The following SH2D4B variants were observed in gnomAD, a reference collection of about 807,000 sequenced individuals.
SH2D4B encodes the protein SH2 domain containing 4B, also known as SH2 domain-containing protein 4B.
A neutral mutation model predicts 61.5 loss-of-function variants in SH2D4B; 45 were observed. The ratio of observed to expected loss-of-function variants is 0.73; its 90% CI spans 0.58 to 0.94. The LOEUF (loss-of-function observed/expected upper bound fraction) is 0.94, where lower values mean the gene tolerates loss of function less well. SH2D4B is among the 40% of genes least tolerant of loss of function. The pLI, the probability that SH2D4B is intolerant of heterozygous loss-of-function variation, is 0.00. For synonymous variants in SH2D4B, 224 were observed against 220.4 expected (o/e 1.02, Z -0.14); for missense variants, 572 against 574.2 (o/e 1.00, Z 0.04).
chr10:80,605,437 C>T (rs1257539029), intron 5 of SH2D4B, among the ~76,000 whole-genome samples: 1 of 152,076 alleles, frequency 6.6e-6, no homozygotes, highest in Non-Finnish European at 1.5e-5. Flanking sequence ...CTCAGTTTGG[C>T]ACTTATTTTT....
intron 5 of SH2D4B, among the ~76,000 whole-genome samples, chr10:80,606,410 G>A (rs1235788967): frequency 6.6e-6 from 1 of 151,848 alleles, no homozygotes; most frequent in African/African-American, 2.4e-5. Flanking sequence ...GTGGTGGTCC[G>A]ATCCTGGCTC....
intron 4 of SH2D4B, among the ~76,000 whole-genome samples, chr10:80,597,021 A>G (rs1293843256): frequency 6.6e-6 from 1 of 152,252 alleles, no homozygotes; most frequent in Admixed American, 6.5e-5. Context: ...CAGTATAGCA[A>G]CTATTTACAT....
At chr10:80,571,663 C>T in intron 3 of SH2D4B, 85 bp downstream of exon 3, 7 of 1,528,916 alleles carry the variant, frequency 4.6e-6, no homozygotes, top group Admixed American at 1.9e-5. Flanking sequence ...TGGATCAATC[C>T]TTGGCCATTG....
intron 7 of SH2D4B, 36 bp downstream of exon 7, chr10:80,634,541 G>GA: frequency 6.5e-7 from 1 of 1,543,502 alleles, no homozygotes; most frequent in Non-Finnish European, 8.7e-7. Flanking sequence ...GGGGGAGGGG[G>GA]AACTGGTGGA....
intron 6 of SH2D4B, among the ~76,000 whole-genome samples, chr10:80,616,754 TTAAC>T (rs1359371427): frequency 6.6e-6 from 1 of 152,228 alleles, no homozygotes; most frequent in Non-Finnish European, 1.5e-5. Context: ...TTTTTGTGTT[TTAAC>T]TAATAATTTG....
At chr10:80,591,777 A>T (rs1050295839) in intron 4 of SH2D4B, among the ~76,000 whole-genome samples, 6 of 152,132 alleles carry the variant, frequency 3.9e-5, no homozygotes, top group Admixed American at 3.9e-4. Context: ...CTGGGATTAC[A>T]GTGTGAGCCA....
rs1469503031 is a variant in SH2D4B at position 80,634,525 on chromosome 10, T to C, written c.1209+20T>C. The C allele has an allele frequency of 1.9e-6, 3 of 1,545,266 alleles. No individual in the cohort carries two copies. The highest frequency in any genetic ancestry group is 2.6e-6 in the Non-Finnish European group (3 of 1,144,770). On this transcript the variant is annotated intron_variant, in intron 7 of 7. Transcript: ENST00000646907. ...CATAAGGTATCCCTCACAGGGATAC[T>C]AATGGGGGGGAGGGGGAACTGGTGG... is the stretch of plus-strand genomic sequence containing the variant.
At chr10:80,580,350 A>G (rs1031544988) in intron 3 of SH2D4B, among the ~76,000 whole-genome samples, 2 of 152,142 alleles carry the variant, frequency 1.3e-5, no homozygotes, top group Non-Finnish European at 2.9e-5. Context: ...TATACATCAA[A>G]AGGCAAAGCA....
chr10:80,573,693 C>A (rs1233117885), intron 3 of SH2D4B, among the ~76,000 whole-genome samples: 1 of 152,120 alleles, frequency 6.6e-6, no homozygotes, highest in Non-Finnish European at 1.5e-5. Context: ...ATTCCTGAGC[C>A]AGACTTAATT....
chr10:80,552,908 T>TC (rs35141498), intron 1 of SH2D4B, among the ~76,000 whole-genome samples: 1,670 of 149,478 alleles, frequency 0.011, 29 homozygotes, highest in African/African-American at 0.039. Flanking sequence ...TCTCTCTCTC[T>TC]TGCTCTCTCT....
chr10:80,629,036 A>AAAAAAAAAAAAAAAAAAAG (rs142895629), intron 6 of SH2D4B, among the ~76,000 whole-genome samples: 16 of 144,950 alleles, frequency 1.1e-4, no homozygotes, highest in African/African-American at 2.7e-4. Context: ...TCTCAAAAAA[A>AAAAAAAAAAAAAAAAAAAG]AAAAAGAAAA....
intron 6 of SH2D4B, 82 bp downstream of exon 6, chr10:80,609,633 A>T: frequency 5.6e-6 from 9 of 1,598,072 alleles, no homozygotes; most frequent in Non-Finnish European, 6.8e-6. Flanking sequence ...GTGCTGAAGG[A>T]CAGTTATAAT....
intron 4 of SH2D4B, among the ~76,000 whole-genome samples, chr10:80,591,012 G>A (rs1393507097): frequency 6.6e-6 from 1 of 150,540 alleles, no homozygotes; most frequent in African/African-American, 2.4e-5. Flanking sequence ...GGCTTTTGGT[G>A]TCTGACTTTG....
At position 80,622,529 on chromosome 10, in the gene SH2D4B, T is replaced by C. The variant is rs562945820; in HGVS notation, c.989-11756T>C. 1.9e-3 allele frequency among the ~76,000 whole-genome samples: 297 copies of C among 152,332 alleles called. 1 individual carries two copies. The highest frequency in any genetic ancestry group is 6.7e-3 in the African/African-American group (280 of 41,574). ...TGCTTTCTGAAGTCTCCAGGCTCTGTCCCTTCCCCATGGGTCTATACTTTC... is the reference window on the plus strand; with the variant it reads ...TGCTTTCTGAAGTCTCCAGGCTCTGCCCCTTCCCCATGGGTCTATACTTTC... On this transcript the variant is annotated intron_variant, in intron 6 of 7. Coordinates refer to ENST00000646907, the MANE Select transcript of SH2D4B (RefSeq NM_001388272.1).
intron 1 of SH2D4B, among the ~76,000 whole-genome samples, chr10:80,559,348 T>C (rs538796467): frequency 2.6e-5 from 4 of 152,252 alleles, no homozygotes; most frequent in African/African-American, 9.6e-5. Flanking sequence ...GAAAATAATA[T>C]TATAAATACC....
At chr10:80,543,821 G>T (rs561855893) in intron 1 of SH2D4B, among the ~76,000 whole-genome samples, 8 of 152,130 alleles carry the variant, frequency 5.3e-5, no homozygotes, top group East Asian at 1.9e-4. Context: ...TGCACCAATG[G>T]ACACTCTGTA....
chr10:80,611,020 A>T (rs916800997), intron 6 of SH2D4B, among the ~76,000 whole-genome samples: 19 of 151,922 alleles, frequency 1.3e-4, no homozygotes, highest in Non-Finnish European at 2.4e-4. Context: ...AAAATATTTT[A>T]AAAAATTAGC....
At chr10:80,544,700 A>G (rs988704270) in intron 1 of SH2D4B, among the ~76,000 whole-genome samples, 5 of 152,142 alleles carry the variant, frequency 3.3e-5, no homozygotes, top group African/African-American at 1.2e-4. Context: ...GGTGGCCCTG[A>G]TCTCAGTGCA....
intron 1 of SH2D4B, among the ~76,000 whole-genome samples, chr10:80,557,307 A>T (rs1362940934): frequency 2.0e-5 from 3 of 152,130 alleles, no homozygotes; most frequent in Admixed American, 6.5e-5. Context: ...TTAAGATTTT[A>T]AAAAATCTGT....
Sources: allele counts gnomAD v4.1 joint callset (sites outside exome capture counted in the v4.1 genomes callset), GRCh38; gene constraint gnomAD v4.1.1; transcripts MANE v1.5; gene names NCBI Gene and HGNC (gene_info 2026-07-23, HGNC 2026-07-21).